The following NEBL variants were observed in gnomAD, a reference collection of about 807,000 sequenced individuals.
The protein encoded by NEBL is nebulette.
A neutral mutation model predicts 140.2 loss-of-function variants in NEBL; 122 were observed. That is an observed-to-expected ratio of 0.87 (90% CI 0.75 to 1.01). The LOEUF is 1.01. NEBL is among the 50% of genes least tolerant of loss of function. The pLI is 0.00. For missense variants in NEBL, 1,365 were observed against 1,231.3 expected, an observed-to-expected ratio of 1.11 and a Z score of -1.62; for synonymous variants, 436 against 398.9, an observed-to-expected ratio of 1.09 and a Z score of -1.11.
intron 3 of NEBL, among the ~76,000 whole-genome samples, chr10:21,003,256 C>A (rs1428890451): frequency 6.6e-6 from 1 of 152,188 alleles, no homozygotes; most frequent in Non-Finnish European, 1.5e-5. Flanking sequence ...CTGGGGAACA[C>A]AGACCCACTT....
rs529973759 is a variant in NEBL at position 20,787,369 on chromosome 10, C to T, written c.2762-61G>A. 474 of 1,321,344 alleles carry T rather than the reference C, an allele frequency of 3.6e-4. 1 individual carries two copies. Among genetic ancestry groups the T allele is most frequent in the Non-Finnish European group, 3.2e-4 (299 of 928,196 alleles). 81.9% of individuals were successfully genotyped at this position (1,321,344 alleles called of 1,614,324 possible). A position where few individuals can be genotyped will look rare whatever the true frequency, so the allele number is the denominator to read the frequency against. On this transcript the variant is annotated intron_variant, in intron 26 of 27. Coordinates refer to ENST00000377122, the MANE Select transcript of NEBL (RefSeq NM_006393.3). ...TAAAGTTAGCCTCGAAATACCCATC[C>T]CAAACCCTCAGAGTGATGTTATGCT...
At chr10:20,868,899 A>C in intron 6 of NEBL, 134 bp from the exon 7 acceptor site, 2 of 679,822 alleles carry the variant, frequency 2.9e-6, no homozygotes. Flanking sequence ...AAACACTAAA[A>C]TGTTGACTGC....
At position 20,784,937 on chromosome 10, in the gene NEBL, G is replaced by T. The variant is rs1405192287; in HGVS notation, c.*810C>A. 2.0e-5 allele frequency: 3 copies of T among 152,666 alleles called. No individual in the cohort carries two copies. Among genetic ancestry groups the T allele is most frequent in the Non-Finnish European group, 4.4e-5 (3 of 68,056 alleles). 9.5% of individuals were successfully genotyped at this position (152,666 alleles called of 1,614,324 possible). A position where few individuals can be genotyped will look rare whatever the true frequency, so the allele number is the denominator to read the frequency against. On this transcript the variant is annotated 3_prime_UTR_variant, in exon 28 of 28. Transcript: ENST00000377122. ...TTTGCTTCAATAATAGGAACGCGCA[G>T]TGCAGCTGCCTATGTTACAGAAGCT...
rs1841170099 is a variant in NEBL at position 21,173,395 on chromosome 10, G to C, written c.69+370C>G. Among the ~76,000 whole-genome samples, 2 of 139,472 alleles carry C rather than the reference G, an allele frequency of 1.4e-5. No homozygotes were observed. Among genetic ancestry groups the C allele is most frequent in the Admixed American group, 1.4e-4 (2 of 14,278 alleles). The allele number at this position is 139,472 out of a possible 152,430, so 91.5% of individuals were successfully genotyped here. On this transcript the variant is annotated intron_variant, in intron 1 of 6. Transcript: ENST00000417816. The surrounding 1 kb of genome is among the most constrained non-coding windows in gnomAD (Gnocchi z 5.7). ...CGCGGGCGGATCTGTGGGGCGGGGG[G>C]CGGGGGTATTGTGGAACACGAGTGG...
Position 20,906,303 on chromosome 10 carries a change from C to T in NEBL, c.357+55369G>A, listed in dbSNP as rs551842034. On this transcript the variant is annotated intron_variant, in intron 4 of 6. Coordinates refer to the NEBL transcript ENST00000417816. ...ACCTTAAGCATCAAGTTACTAACAC[C>T]TATGTTCACTGAGGAATCCTTCTTC... Among the ~76,000 whole-genome samples, 20 of 152,178 alleles carry T rather than the reference C, an allele frequency of 1.3e-4. No homozygotes were observed. In the East Asian group the frequency reaches 2.9e-3, roughly 22 times the overall value.
chr10:20,986,242 C>A (rs779715196), intron 3 of NEBL, among the ~76,000 whole-genome samples: 1 of 152,084 alleles, frequency 6.6e-6, no homozygotes, highest in South Asian at 2.1e-4. Context: ...CAAAGCAACC[C>A]AACAGTTCAA....
At chr10:21,013,317 G>A (rs1197687849) in intron 3 of NEBL, among the ~76,000 whole-genome samples, 1 of 152,144 alleles carries the variant, frequency 6.6e-6, no homozygotes, top group Admixed American at 6.5e-5. Context: ...ACATGCTGAA[G>A]CTTCTCCCAA....
chr10:20,895,785 A>G (rs1382046943), intron 2 of NEBL, among the ~76,000 whole-genome samples: 1 of 152,238 alleles, frequency 6.6e-6, no homozygotes, highest in Non-Finnish European at 1.5e-5. Flanking sequence ...AGAGCCAGTC[A>G]TATCTAAATT....
intron 1 of NEBL, among the ~76,000 whole-genome samples, chr10:21,255,779 C>T (rs375748104): frequency 1.3e-5 from 2 of 151,932 alleles, no homozygotes; most frequent in African/African-American, 2.4e-5. Flanking sequence ...GGGCAGATCA[C>T]GAGGTCAGGA....
intron 2 of NEBL, among the ~76,000 whole-genome samples, chr10:21,027,324 T>C (rs915628739): frequency 8.6e-5 from 10 of 115,610 alleles, no homozygotes; most frequent in African/African-American, 2.1e-4. Context: ...ACAACTTTTT[T>C]TGTTTTTTTT....
intron 1 of NEBL, among the ~76,000 whole-genome samples, chr10:21,277,809 A>G (rs181113044): frequency 1.3e-5 from 2 of 150,220 alleles, no homozygotes; most frequent in Admixed American, 1.3e-4. Flanking sequence ...TATGAAAGTC[A>G]TTTTTTTCTT....
intron 2 of NEBL, among the ~76,000 whole-genome samples, chr10:21,091,482 C>A (rs1359804730): frequency 6.6e-6 from 1 of 151,702 alleles, no homozygotes; most frequent in Non-Finnish European, 1.5e-5. Flanking sequence ...ACACTGTTAA[C>A]ACAAAACAAA....
At chr10:20,949,906 T>C (rs1835377121) in intron 4 of NEBL, among the ~76,000 whole-genome samples, 2 of 152,196 alleles carry the variant, frequency 1.3e-5, no homozygotes, top group South Asian at 4.1e-4. Flanking sequence ...ATAAGATGTA[T>C]AGCCTCTATT....
At chr10:21,127,492 C>T (rs1479000154) in intron 2 of NEBL, among the ~76,000 whole-genome samples, 1 of 151,576 alleles carries the variant, frequency 6.6e-6, no homozygotes, top group Non-Finnish European at 1.5e-5. Flanking sequence ...TTGGGACAGA[C>T]AGATACTATG....
At chr10:20,948,463 C>G (rs1835285719) in intron 4 of NEBL, among the ~76,000 whole-genome samples, 1 of 152,160 alleles carries the variant, frequency 6.6e-6, no homozygotes, top group Non-Finnish European at 1.5e-5. Flanking sequence ...ATGGCTTACC[C>G]TTCACAGTAC....
At chr10:21,145,089 C>T (rs1028999447) in intron 2 of NEBL, among the ~76,000 whole-genome samples, 1 of 151,944 alleles carries the variant, frequency 6.6e-6, no homozygotes, top group Admixed American at 6.6e-5. Context: ...AATAACACAA[C>T]CATTAGATAT....
At chr10:20,905,916 T>C (rs1185985155) in intron 4 of NEBL, among the ~76,000 whole-genome samples, 1 of 152,156 alleles carries the variant, frequency 6.6e-6, no homozygotes, top group Non-Finnish European at 1.5e-5. Context: ...GCCTTTGCAG[T>C]TATAACAATT....
At chr10:21,109,286 T>C (rs1286648157) in intron 2 of NEBL, among the ~76,000 whole-genome samples, 1 of 152,210 alleles carries the variant, frequency 6.6e-6, no homozygotes, top group African/African-American at 2.4e-5. Flanking sequence ...GTTCTGTTTA[T>C]GTGATGGATT....
intron 5 of NEBL, among the ~76,000 whole-genome samples, chr10:20,873,123 G>C (rs913167171): frequency 1.3e-5 from 2 of 152,134 alleles, no homozygotes; most frequent in Admixed American, 1.3e-4. Context: ...ATAAGTATTT[G>C]CTCCAATCTA....
Sources: allele counts gnomAD v4.1 joint callset (sites outside exome capture counted in the v4.1 genomes callset), GRCh38; gene constraint gnomAD v4.1.1; non-coding constraint Gnocchi (gnomAD v3.1); transcripts MANE v1.5; gene names NCBI Gene and HGNC (gene_info 2026-07-23, HGNC 2026-07-21).